Variants in SAMMSON observed in about 807,000 individuals in gnomAD.
SAMMSON encodes the protein survival associated mitochondrial melanoma specific oncogenic non-coding RNA, also known as long intergenic non-protein coding RNA 1212.
intron 4 of SAMMSON, among the ~76,000 whole-genome samples, chr3:70,188,702 G>A (rs574201417): frequency 2.2e-4 from 33 of 152,266 alleles, no homozygotes; most frequent in South Asian, 8.3e-4. Context: ...CTAAGCCTAC[G>A]CTAAAGACTT....
intron 2 of SAMMSON, among the ~76,000 whole-genome samples, chr3:70,412,969 A>G (rs773798553): frequency 8.5e-5 from 13 of 152,112 alleles, no homozygotes; most frequent in Non-Finnish European, 1.9e-4. Context: ...CTTCAACTAA[A>G]CAGTTATTTT....
intron 7 of SAMMSON, among the ~76,000 whole-genome samples, chr3:70,311,547 A>G (rs1229943037): frequency 2.6e-5 from 4 of 152,192 alleles, no homozygotes; most frequent in African/African-American, 9.7e-5. Context: ...TTGTCCTTAA[A>G]TTATTTAGTC....
intron 4 of SAMMSON, among the ~76,000 whole-genome samples, chr3:70,187,320 A>T (rs114428948): frequency 3.4e-5 from 5 of 147,696 alleles, no homozygotes; most frequent in African/African-American, 5.1e-5. Flanking sequence ...TACAAACCCT[A>T]TTTATCCAGG....
chr3:70,279,064 C>T (rs1030611553), intron 6 of SAMMSON, among the ~76,000 whole-genome samples: 35 of 150,070 alleles, frequency 2.3e-4, no homozygotes, highest in Non-Finnish European at 4.4e-4. Context: ...CCTTTCCTAA[C>T]ATCTTCTCAT....
At chr3:70,185,985 C>A (rs1405956363) in intron 4 of SAMMSON, among the ~76,000 whole-genome samples, 1 of 151,804 alleles carries the variant, frequency 6.6e-6, no homozygotes, top group Non-Finnish European at 1.5e-5. Flanking sequence ...TCAAAAAAAC[C>A]CAGAAAACAA....
intron 4 of SAMMSON, among the ~76,000 whole-genome samples, chr3:70,105,039 C>A (rs1269294356): frequency 2.0e-5 from 3 of 152,040 alleles, no homozygotes; most frequent in Non-Finnish European, 4.4e-5. Flanking sequence ...AAGCCAAGCA[C>A]CCTTTCTCAA....
intron 7 of SAMMSON, among the ~76,000 whole-genome samples, chr3:70,300,008 A>G (rs1418444277): frequency 6.6e-6 from 1 of 152,112 alleles, no homozygotes; most frequent in Non-Finnish European, 1.5e-5. Flanking sequence ...ACCTTGGGCC[A>G]TCATATTCCA....
At chr3:70,012,741 G>A (rs2066963194) in intron 2 of SAMMSON, 2 of 152,150 alleles carry the variant, frequency 1.3e-5, no homozygotes, top group Non-Finnish European at 2.9e-5. Flanking sequence ...CAGAAGACAT[G>A]AATTGGGCCA....
chr3:70,162,723 G>A (rs980008209), intron 4 of SAMMSON, among the ~76,000 whole-genome samples: 36 of 151,890 alleles, frequency 2.4e-4, no homozygotes, highest in African/African-American at 8.0e-4. Context: ...CAGTTTCTGA[G>A]AGTGTAATAT....
At chr3:70,417,032 G>A (rs570063201) in intron 2 of SAMMSON, among the ~76,000 whole-genome samples, 10 of 152,070 alleles carry the variant, frequency 6.6e-5, no homozygotes, top group East Asian at 2.0e-4. Flanking sequence ...AGCTAAGACC[G>A]CTTTTCTGTT....
intron 2 of SAMMSON, among the ~76,000 whole-genome samples, chr3:70,422,465 C>G (rs1442825288): frequency 6.6e-6 from 1 of 151,884 alleles, no homozygotes. Flanking sequence ...GAAATTTGAA[C>G]TAGAATACTA....
At chr3:70,289,678 C>T (rs1702210192) in intron 6 of SAMMSON, among the ~76,000 whole-genome samples, 1 of 152,044 alleles carries the variant, frequency 6.6e-6, no homozygotes, top group Non-Finnish European at 1.5e-5. Context: ...TCCATTCTCC[C>T]CATCACTTTC....
At chr3:70,215,112 A>T (rs1442047875) in intron 4 of SAMMSON, among the ~76,000 whole-genome samples, 1 of 152,126 alleles carries the variant, frequency 6.6e-6, no homozygotes, top group Non-Finnish European at 1.5e-5. Flanking sequence ...TATTCATCCG[A>T]ACTATTTGAA....
chr3:70,433,995 C>A (rs1701436664), intron 2 of SAMMSON, among the ~76,000 whole-genome samples: 1 of 152,144 alleles, frequency 6.6e-6, no homozygotes, highest in Non-Finnish European at 1.5e-5. Context: ...CTGTTCCATT[C>A]ATCTGTTCAT....
At chr3:70,204,294 C>G (rs184899561) in intron 4 of SAMMSON, among the ~76,000 whole-genome samples, 1 of 151,918 alleles carries the variant, frequency 6.6e-6, no homozygotes, top group East Asian at 1.9e-4. Context: ...TATCTCAGTA[C>G]GAACAATGAC....
intron 2 of SAMMSON, among the ~76,000 whole-genome samples, chr3:70,433,673 G>GT (rs1701434070): frequency 6.6e-6 from 1 of 151,962 alleles, no homozygotes; most frequent in Admixed American, 6.6e-5. Context: ...TAATGTATCA[G>GT]TTTTTTCTTT....
intron 6 of SAMMSON, among the ~76,000 whole-genome samples, chr3:70,286,655 G>A (rs1407282277): frequency 1.3e-5 from 2 of 151,982 alleles, no homozygotes; most frequent in Non-Finnish European, 2.9e-5. Context: ...TGGGCAGTGT[G>A]GCCATTTTCA....
At chr3:70,309,013 T>C (rs1157405405) in intron 7 of SAMMSON, among the ~76,000 whole-genome samples, 1 of 152,238 alleles carries the variant, frequency 6.6e-6, no homozygotes, top group East Asian at 1.9e-4. Flanking sequence ...GTAACCACTT[T>C]GTTCTTAATG....
At chr3:70,368,350 G>A (rs1702937347) in intron 9 of SAMMSON, among the ~76,000 whole-genome samples, 1 of 151,446 alleles carries the variant, frequency 6.6e-6, no homozygotes, top group African/African-American at 2.4e-5. Flanking sequence ...AACTATATGA[G>A]CAGCATGATG....
Sources: gnomAD v4.1 joint callset for allele counts (sites outside exome capture counted in the v4.1 genomes callset) on GRCh38, gnomAD v4.1.1 for gene constraint, MANE v1.5 for transcripts, NCBI Gene and HGNC (gene_info 2026-07-23, HGNC 2026-07-21) for gene names.